Variants in WDR72 observed in about 807,000 individuals in gnomAD.
The protein encoded by WDR72 is WD repeat domain 72, also known as WD repeat-containing protein 72.
A neutral mutation model predicts 124.2 loss-of-function variants in WDR72; 120 were observed. That is an observed-to-expected ratio of 0.97 (90% CI 0.83 to 1.12). The LOEUF (loss-of-function observed/expected upper bound fraction) is 1.12, where lower values mean the gene tolerates loss of function less well. Ranked by LOEUF, WDR72 falls within the 50% of genes most tolerant of loss-of-function variation. The probability of loss-of-function intolerance (pLI) is 0.00; values close to 1 mark genes in which losing one functional copy is unlikely to be tolerated. For synonymous variants in WDR72, 452 were observed against 441.7 expected, an observed-to-expected ratio of 1.02 and a Z score of -0.29; for missense variants, 1,387 against 1,278.8, an observed-to-expected ratio of 1.08 and a Z score of -1.29.
chr15:53,667,687 C>T (rs1351180950), intron 13 of WDR72, among the ~76,000 whole-genome samples: 2 of 152,060 alleles, frequency 1.3e-5, no homozygotes, highest in Admixed American at 6.6e-5. Context: ...CGGTATCATC[C>T]TGGATATTTT....
At chr15:53,605,136 C>A (rs939739097) in intron 17 of WDR72, among the ~76,000 whole-genome samples, 1 of 152,194 alleles carries the variant, frequency 6.6e-6, no homozygotes, top group Admixed American at 6.5e-5. Flanking sequence ...GGCTCATATA[C>A]TCCATGGAAT....
intron 14 of WDR72, among the ~76,000 whole-genome samples, chr15:53,661,567 A>T (rs2015610884): frequency 6.6e-6 from 1 of 152,180 alleles, no homozygotes; most frequent in Non-Finnish European, 1.5e-5. Context: ...TAAATATCCA[A>T]ATCATAGCAG....
At chr15:53,728,295 G>A (rs946707677) in intron 2 of WDR72, among the ~76,000 whole-genome samples, 5 of 152,078 alleles carry the variant, frequency 3.3e-5, no homozygotes, top group African/African-American at 7.2e-5. Context: ...AGAATAGCAC[G>A]GGAAAGACCA....
chr15:53,660,524 T>C (rs1595827194), intron 14 of WDR72, among the ~76,000 whole-genome samples: 1 of 152,244 alleles, frequency 6.6e-6, no homozygotes, highest in South Asian at 2.1e-4. Flanking sequence ...AATAAAACTC[T>C]AATAAAAATT....
In WDR72 at chr15:53,680,860, A is replaced by G. The variant is rs2016356563; in HGVS notation, c.1766-15092T>C. ...GGAACCTGCTTCCCCCAAATGTGAA[A>G]AGGACTGGGGAAAGTGGTGGGCCAA... is the stretch of plus-strand genomic sequence containing the variant. On this transcript the variant is annotated intron_variant, in intron 13 of 19. Transcript: ENST00000360509. 2.6e-5 allele frequency among the ~76,000 whole-genome samples: 4 copies of G among 152,302 alleles called. No homozygotes were observed. The South Asian group carries it at 8.3e-4, about 32-fold the overall frequency.
intron 18 of WDR72, among the ~76,000 whole-genome samples, chr15:53,582,651 A>G (rs114695123): frequency 0.018 from 2,710 of 152,144 alleles, 79 homozygotes; most frequent in African/African-American, 0.062. Flanking sequence ...TGGTCAAGTT[A>G]AGATACATTT....
intron 14 of WDR72, among the ~76,000 whole-genome samples, chr15:53,647,732 G>A (rs183432766): frequency 1.2e-4 from 18 of 152,182 alleles, no homozygotes; most frequent in African/African-American, 4.3e-4. Context: ...ATAAACTTGA[G>A]TTGTTTTAGC....
chr15:53,595,909 T>C (rs533800162), intron 18 of WDR72, among the ~76,000 whole-genome samples: 1 of 152,284 alleles, frequency 6.6e-6, no homozygotes, highest in African/African-American at 2.4e-5. Flanking sequence ...AATTATTAAT[T>C]GAATTTACCA....
rs2017342125 is a variant in WDR72 at position 53,706,001 on chromosome 15, C to T, written c.1028G>A (p.Gly343Glu). 1.9e-6 allele frequency: 3 copies of T among 1,613,950 alleles called. No individual in the cohort carries two copies. In the African/African-American group the frequency reaches 4.0e-5, roughly 22 times the overall value. The stretch of plus-strand genomic sequence containing the variant: ...CAAAGTAATTCTTCCTGAGACTTCT[C>T]CAGAGAAAAGTACCTTGTAAAAAGG... ...KEPFYKVLFS[G>E]EVSGRITLWH... Residue 343 changes from glycine to glutamate, a missense_variant, in exon 10 of 20, where the codon GGA becomes GAA. Coordinates refer to ENST00000360509, the MANE Select transcript of WDR72 (RefSeq NM_182758.4).
At chr15:53,585,461 T>A (rs1329151548) in intron 18 of WDR72, among the ~76,000 whole-genome samples, 6 of 151,940 alleles carry the variant, frequency 3.9e-5, no homozygotes, top group Non-Finnish European at 5.9e-5. Flanking sequence ...GGGATTACAG[T>A]TAGAGATGAG....
intron 17 of WDR72, among the ~76,000 whole-genome samples, chr15:53,608,611 G>C (rs1349696767): frequency 1.3e-5 from 2 of 151,494 alleles, no homozygotes; most frequent in Admixed American, 6.6e-5. Context: ...GAAAAAATTA[G>C]CCAGGTGTGG....
chr15:53,560,197 A>C (rs1894078833), intron 18 of WDR72, among the ~76,000 whole-genome samples: 1 of 151,868 alleles, frequency 6.6e-6, no homozygotes, highest in Admixed American at 6.6e-5. Flanking sequence ...AAAGTGAAGG[A>C]ACTCAAGGTC....
At chr15:53,719,258 T>C (rs1001084488) in intron 3 of WDR72, among the ~76,000 whole-genome samples, 1 of 152,160 alleles carries the variant, frequency 6.6e-6, no homozygotes, top group Non-Finnish European at 1.5e-5. Context: ...CCCTTGTCTT[T>C]TATTATACTT....
intron 18 of WDR72, among the ~76,000 whole-genome samples, chr15:53,556,821 A>T (rs1289669832): frequency 6.6e-6 from 1 of 152,142 alleles, no homozygotes; most frequent in Non-Finnish European, 1.5e-5. Flanking sequence ...AATGTAAATT[A>T]TGAGTATAGC....
In WDR72 at chr15:53,523,199, A is replaced by AT; in HGVS notation, c.3253+18dup. 3 of 1,610,124 alleles carry AT rather than the reference A, an allele frequency of 1.9e-6. No individual in the cohort carries two copies. Among genetic ancestry groups the AT allele is most frequent in the Non-Finnish European group, 2.5e-6 (3 of 1,177,072 alleles). On this transcript the variant is annotated intron_variant, in intron 19 of 19. Coordinates refer to ENST00000360509, the MANE Select transcript of WDR72 (RefSeq NM_182758.4). ...CAAATTTATCATTTTATACTTGACT[A>AT]TTTTTAAATGGCTTTCACCTGGACT...
intron 18 of WDR72, among the ~76,000 whole-genome samples, chr15:53,537,865 T>C (rs545603267): frequency 9.9e-5 from 15 of 152,216 alleles, no homozygotes; most frequent in Non-Finnish European, 1.6e-4. Context: ...TTGATCTTCA[T>C]TGAAGACTGT....
intron 2 of WDR72, among the ~76,000 whole-genome samples, chr15:53,731,843 T>C (rs1229287323): frequency 6.6e-6 from 1 of 152,146 alleles, no homozygotes; most frequent in Admixed American, 6.6e-5. Context: ...TCAACAAATG[T>C]ATGCTAAACA....
At chr15:53,612,424 G>A (rs1221977859) in intron 16 of WDR72, among the ~76,000 whole-genome samples, 1 of 152,086 alleles carries the variant, frequency 6.6e-6, no homozygotes, top group Admixed American at 6.6e-5. Context: ...CAGTGATAAA[G>A]TGGCATTGGA....
chr15:53,615,994 A>C lies in WDR72; in HGVS notation c.2212T>G (p.Ser738Ala), dbSNP rs771070519. The C allele has an allele frequency of 3.7e-6, 6 of 1,613,250 alleles. No homozygotes were observed. The highest frequency in any genetic ancestry group is 5.1e-6 in the Non-Finnish European group (6 of 1,179,590). Residue 738 changes from serine (S) to alanine (A), a missense_variant, in exon 15 of 20, where the codon TCA becomes GCA. Transcript: ENST00000360509. Reference protein sequence around the residue: ...RKSKTACGPLSAEALAKPITE... With the variant: ...RKSKTACGPLAAEALAKPITE... ...ATAGGCTTGGCTAGTGCCTCTGCTG[A>C]AAGAGGACCACAGGCAGTTTTACTT...
Sources: allele counts gnomAD v4.1 joint callset (sites outside exome capture counted in the v4.1 genomes callset), GRCh38; gene constraint gnomAD v4.1.1; transcripts MANE v1.5; gene names NCBI Gene and HGNC (gene_info 2026-07-23, HGNC 2026-07-21).